The following MICAL2 variants were observed in gnomAD, a reference collection of about 807,000 sequenced individuals.
MICAL2 encodes [F-actin]-monooxygenase MICAL2.
A neutral mutation model predicts 127.3 loss-of-function variants in MICAL2; 77 were observed. That is an observed-to-expected ratio of 0.60 (90% CI 0.50 to 0.73). The LOEUF is 0.73. Ranked by LOEUF, MICAL2 falls within the 30% of genes least tolerant of loss-of-function variation. The pLI, the probability that MICAL2 is intolerant of heterozygous loss-of-function variation, is 0.00. For missense variants in MICAL2, 1,351 were observed against 1,434.4 expected (o/e 0.94, Z 0.94); for synonymous variants, 570 against 551.1 (o/e 1.03, Z -0.48).
chr11:12,248,452 A>G (rs950856906), intron 21 of MICAL2, among the ~76,000 whole-genome samples: 1 of 152,154 alleles, frequency 6.6e-6, no homozygotes, highest in Non-Finnish European at 1.5e-5. Context: ...GCTCTGGCCC[A>G]TGGAATGGCT....
At chr11:12,168,338 A>T (rs1213247767) in intron 3 of MICAL2, among the ~76,000 whole-genome samples, 1 of 128,494 alleles carries the variant, frequency 7.8e-6, no homozygotes, top group Non-Finnish European at 1.7e-5. Flanking sequence ...ATACATATAT[A>T]CAAATACATA....
At chr11:12,283,418 G>A (rs1590720362) in intron 2 of MICAL2, among the ~76,000 whole-genome samples, 1 of 150,744 alleles carries the variant, frequency 6.6e-6, no homozygotes, top group Admixed American at 6.6e-5. Flanking sequence ...TAGCCAAAAG[G>A]GGGAAACAAA....
chr11:12,307,793 A>G (rs548045996), intron 29 of MICAL2, among the ~76,000 whole-genome samples: 1 of 151,946 alleles, frequency 6.6e-6, no homozygotes, highest in South Asian at 2.1e-4. Context: ...CTATCTCTGT[A>G]CTCTCTAATC....
downstream of MICAL2, among the ~76,000 whole-genome samples, chr11:12,360,017 C>T (rs1400042832): frequency 6.6e-6 from 1 of 151,974 alleles, no homozygotes; most frequent in Non-Finnish European, 1.5e-5. Context: ...TCTGAGTCAG[C>T]CAATGCTTTG....
Position 12,213,341 on chromosome 11 carries a change from G to A in MICAL2, c.778G>A (p.Val260Met). 1 of 1,614,132 alleles carries A rather than the reference G, an allele frequency of 6.2e-7. No homozygotes were observed. The highest frequency in any genetic ancestry group is 8.5e-7 in the Non-Finnish European group (1 of 1,179,992). Reference protein sequence around the residue: ...INRNSTAEAKVEEISGVAFIF... With the variant: ...INRNSTAEAKMEEISGVAFIF... ...CAGAAACAGCACAGCGGAAGCCAAG[G>A]TGGAAGAGATTAGTGGTGTGGCTTT... Residue 260 changes from valine to methionine, a missense_variant, in exon 7 of 28, where the codon GTG becomes ATG. By Grantham distance (21) the Val-to-Met change is conservative (BLOSUM62 1). Around this residue, in one of 2 missense-constraint regions of MICAL2, gnomAD observed 599 missense variants for 714.9 expected, o/e 0.84. Coordinates refer to ENST00000683283, the MANE Select transcript of MICAL2 (RefSeq NM_001282663.2).
At chr11:12,295,949 C>T (rs553850405), downstream of MICAL2, among the ~76,000 whole-genome samples, 13 of 152,026 alleles carry the variant, frequency 8.6e-5, no homozygotes, top group Non-Finnish European at 1.3e-4. Context: ...TAAACACTTA[C>T]GCATATTTGC....
intron 9 of MICAL2, 83 bp downstream of exon 9, chr11:12,220,541 T>C (rs1335707667): frequency 6.6e-7 from 1 of 1,524,644 alleles, no homozygotes; most frequent in African/African-American, 1.4e-5. Context: ...TCTGCTGTTG[T>C]GCAGCGGGGA....
At position 12,220,223 on chromosome 11, in the gene MICAL2, TGC is replaced by T. The variant is rs1363493988; in HGVS notation, c.972_973del (p.Leu325ValfsTer40). ...CAGGACTACATCGACACAGAGATGC[TGC>T]TGTGTGCGGAGAACGTGAACCAAGA... On this transcript the variant is annotated frameshift_variant, in exon 9 of 28. Transcript: ENST00000683283. LOFTEE classifies it high-confidence loss of function. The T allele has an allele frequency of 6.2e-7, 1 of 1,614,066 alleles. No individual in the cohort carries two copies. The highest frequency in any genetic ancestry group is 8.5e-7 in the Non-Finnish European group (1 of 1,180,044).
intron 1 of MICAL2, among the ~76,000 whole-genome samples, chr11:12,126,794 A>C (rs1461616492): frequency 6.6e-6 from 1 of 151,984 alleles, no homozygotes; most frequent in Non-Finnish European, 1.5e-5. Context: ...TTCATGACTA[A>C]TGTCCATCTG....
chr11:12,171,154 G>A (rs1179885791), intron 3 of MICAL2, among the ~76,000 whole-genome samples: 1 of 152,174 alleles, frequency 6.6e-6, no homozygotes, highest in Non-Finnish European at 1.5e-5. Context: ...CTGGCTGCCC[G>A]TGGAGCTTTC....
chr11:12,255,417 A>C, intron 22 of MICAL2: 2 of 533,034 alleles, frequency 3.8e-6, no homozygotes, highest in East Asian at 6.5e-5. Flanking sequence ...GTGGAATCCT[A>C]GAGTACTTGT....
chr11:12,166,041 T>C (rs1308049052), intron 3 of MICAL2, among the ~76,000 whole-genome samples: 1 of 152,238 alleles, frequency 6.6e-6, no homozygotes, highest in East Asian at 1.9e-4. Flanking sequence ...GGGTAACACC[T>C]GACTCGAATG....
At chr11:12,280,363 C>T (rs531247631) in intron 1 of MICAL2, among the ~76,000 whole-genome samples, 3 of 152,326 alleles carry the variant, frequency 2.0e-5, no homozygotes, top group African/African-American at 4.8e-5. Flanking sequence ...GCCCCTTCTG[C>T]TCTGAGCCAA....
Position 12,344,863 on chromosome 11 carries a change from T to C in MICAL2, c.5516-4975T>C, listed in dbSNP as rs183483519. The stretch of plus-strand genomic sequence containing the variant: ...GTGGCTCACGCCTGTAATCCCAGCA[T>C]TTTGGGAGGCCAAGGCGGGCAGATC... On this transcript the variant is annotated intron_variant, in intron 32 of 34. Transcript: ENST00000646065. Among the ~76,000 whole-genome samples, 175 of 150,476 alleles carry C rather than the reference T, an allele frequency of 1.2e-3. 1 individual carries two copies. The East Asian group carries it at 0.015, about 13-fold the overall frequency.
chr11:12,251,682 C>T (rs562693262), intron 22 of MICAL2, among the ~76,000 whole-genome samples: 1 of 151,408 alleles, frequency 6.6e-6, no homozygotes, highest in East Asian at 1.9e-4. Context: ...AAAGGTGGGA[C>T]CAGGTGTGGT....
chr11:12,223,121 A>G (rs1265299687), intron 11 of MICAL2, among the ~76,000 whole-genome samples: 1 of 152,060 alleles, frequency 6.6e-6, no homozygotes, highest in East Asian at 1.9e-4. Context: ...CAAACTCTCA[A>G]CCTCTTTGGT....
chr11:12,320,848 CAG>C lies in MICAL2; in HGVS notation c.5328+1044_5328+1045del, dbSNP rs1864286704. 2.0e-5 allele frequency among the ~76,000 whole-genome samples: 3 copies of C among 151,958 alleles called. No homozygotes were observed. In the South Asian group the frequency reaches 6.3e-4, roughly 32 times the overall value. On this transcript the variant is annotated intron_variant, in intron 30 of 34. Coordinates refer to the MICAL2 transcript ENST00000646065. ...AAGAGGGAGGGAGAAGAGAGAGAGA[CAG>C]AGAGAGTTGAGGGAGAAAGATGTAT...
chr11:12,156,222 G>A (rs1854170497), intron 2 of MICAL2, among the ~76,000 whole-genome samples: 1 of 152,178 alleles, frequency 6.6e-6, no homozygotes, highest in African/African-American at 2.4e-5. Flanking sequence ...GAGCTTCGTG[G>A]TGAGTCTCTT....
At chr11:12,327,847 G>A (rs982286640) in intron 32 of MICAL2, among the ~76,000 whole-genome samples, 1 of 149,730 alleles carries the variant, frequency 6.7e-6, no homozygotes, top group Non-Finnish European at 1.5e-5. Flanking sequence ...GATAAATTCA[G>A]GAGAAATATA....
Sources: allele counts gnomAD v4.1 joint callset (sites outside exome capture counted in the v4.1 genomes callset), GRCh38; gene constraint gnomAD v4.1.1; regional missense constraint gnomAD v4.1.1; transcripts MANE v1.5; gene names NCBI Gene and HGNC (gene_info 2026-07-23, HGNC 2026-07-21).